The following PLD1 variants were observed in gnomAD, a reference collection of about 807,000 sequenced individuals.
The protein encoded by PLD1 is phospholipase D1.
In PLD1, 112 loss-of-function variants were observed where a neutral mutation model predicts 137.1. The ratio of observed to expected loss-of-function variants is 0.82; its 90% confidence interval spans 0.70 to 0.96. PLD1 has a LOEUF of 0.96. Among genes scored for constraint, PLD1 ranks in the 40% least tolerant of loss-of-function variants. The pLI is 0.00. For missense variants in PLD1, 1,321 were observed against 1,342.0 expected (o/e 0.98, Z 0.24); for synonymous variants, 431 against 454.7 (o/e 0.95, Z 0.66).
At chr3:171,608,383 A>G (rs1170331956) in intron 25 of PLD1, among the ~76,000 whole-genome samples, 1 of 152,220 alleles carries the variant, frequency 6.6e-6, no homozygotes, top group Admixed American at 6.5e-5. Context: ...TTCCAATTTT[A>G]TAAAACTAGT....
intron 9 of PLD1, among the ~76,000 whole-genome samples, chr3:171,710,880 T>G (rs967357031): frequency 1.4e-4 from 20 of 142,190 alleles, no homozygotes; most frequent in Non-Finnish European, 3.0e-5. Flanking sequence ...TTCTTTTTTT[T>G]TTTTTTTTTT....
chr3:171,712,121 G>C (rs149166921), intron 9 of PLD1, among the ~76,000 whole-genome samples: 481 of 152,318 alleles, frequency 3.2e-3, no homozygotes, highest in African/African-American at 0.011. Context: ...TATTTATAAA[G>C]ATTAGCCATG....
In PLD1 at chr3:171,612,336, T is replaced by C. The variant is rs1220377397; in HGVS notation, c.2825A>G (p.Asp942Gly). 4 of 1,614,122 alleles carry C rather than the reference T, an allele frequency of 2.5e-6. No individual in the cohort carries two copies. The highest frequency in any genetic ancestry group is 3.4e-6 in the Non-Finnish European group (4 of 1,179,994). ...CCGGCCAGCTTGGTACTCTTTTCCATCCATTACTGAAGGAACAGTCTCTGT... is the reference window on the plus strand; with the variant it reads ...CCGGCCAGCTTGGTACTCTTTTCCACCCATTACTGAAGGAACAGTCTCTGT... ...QDTETVPSVMDGKEYQAGRFA... is the reference protein window; with the variant it reads ...QDTETVPSVMGGKEYQAGRFA... The change falls in exon 25 of 27, where the codon GAT becomes GGT. Residue 942 changes from aspartate (D) to glycine (G), a missense_variant. Physicochemically the swap from Asp to Gly is moderately conservative, Grantham distance 94. Transcript: ENST00000351298. This position sits in a 1 kb window ranked among gnomAD's most constrained non-coding sequence, Gnocchi z 4.1.
chr3:171,611,038 A>T (rs950846834), intron 25 of PLD1, among the ~76,000 whole-genome samples: 2 of 152,230 alleles, frequency 1.3e-5, no homozygotes, highest in Admixed American at 6.5e-5. Flanking sequence ...CCCATCTGCA[A>T]GTGAGCCAGT....
rs1716023001 is a variant in PLD1, at chr3:171,699,107, A to C, written c.1227+638T>G. Among the ~76,000 whole-genome samples the C allele has an allele frequency of 2.0e-5, 3 of 152,248 alleles. No individual in the cohort carries two copies. The South Asian group carries it at 6.2e-4, about 32-fold the overall frequency. On this transcript the variant is annotated intron_variant, in intron 12 of 26. Transcript: ENST00000351298. ...TAAACTGATTTAATTTTAAGGGCCT[A>C]TTACATTAAAAAAATCACTAGAAAT...
chr3:171,682,152 G>GAAAGAAAGAAA (rs1714059583), intron 16 of PLD1, among the ~76,000 whole-genome samples: 1 of 82,056 alleles, frequency 1.2e-5, no homozygotes, highest in Non-Finnish European at 2.4e-5. Context: ...AAGAAAGAAA[G>GAAAGAAAGAAA]AAAGAAAGAA....
At chr3:171,770,431 G>C (rs1316415) in intron 1 of PLD1, among the ~76,000 whole-genome samples, 65,350 of 152,036 alleles carry the variant, frequency 0.43, 14,376 homozygotes, top group Middle Eastern at 0.65. Context: ...GAAAAACCGT[G>C]CATCAGACAA....
At chr3:171,653,552 A>G (rs1408949349) in intron 21 of PLD1, 1 of 152,212 alleles carries the variant, frequency 6.6e-6, no homozygotes, top group African/African-American at 2.4e-5. Context: ...AGTCGTGAGA[A>G]ACCAAAACAA....
At chr3:171,764,884 AAAGAAAGAAAGGAAGG>A (rs1299967244) in intron 1 of PLD1, among the ~76,000 whole-genome samples, 238 of 19,914 alleles carry the variant, frequency 0.012, 21 homozygotes, top group African/African-American at 0.039. Flanking sequence ...AGAAAGAAAG[AAAGAAAGAAAGGAAGG>A]AAGGAAGGAA....
rs181577751 is a variant in PLD1, at chr3:171,670,275, G to A, written c.2229+4225C>T. Among the ~76,000 whole-genome samples the A allele has an allele frequency of 1.1e-3, 171 of 152,316 alleles. No individual in the cohort carries two copies. In the Middle Eastern group the frequency reaches 0.014, roughly 12 times the overall value. On this transcript the variant is annotated intron_variant, in intron 19 of 26. Coordinates refer to ENST00000351298, the MANE Select transcript of PLD1 (RefSeq NM_002662.5). ...GGTATTTCAAAAGAGCTGGACGAGA[G>A]GACATGAAATGTTCCAAACACATAG...
chr3:171,690,230 T>C lies in PLD1; in HGVS notation c.1339-1354A>G, dbSNP rs545503156. 2.1e-3 allele frequency among the ~76,000 whole-genome samples: 326 copies of C among 152,304 alleles called. 2 individuals carry two copies. The highest frequency in any genetic ancestry group is 7.5e-3 in the African/African-American group (311 of 41,578). On this transcript the variant is annotated intron_variant, in intron 13 of 26. Coordinates refer to ENST00000351298, the MANE Select transcript of PLD1 (RefSeq NM_002662.5). ...GTAATGTCTCTACTTTCATTTCTGA[T>C]TTTAGTAACTTGAGTCTTTTTTTTT...
At position 171,698,096 on chromosome 3, in the gene PLD1, T is replaced by C. The variant is rs73040146; in HGVS notation, c.1227+1649A>G. On this transcript the variant is annotated intron_variant, in intron 12 of 26. Transcript: ENST00000351298. The stretch of plus-strand genomic sequence containing the variant: ...GGAAAATGGAAAAGATGCCATTTCA[T>C]TGAGAGAAACATAGAGAAAGTTACT... 1.6e-3 allele frequency among the ~76,000 whole-genome samples: 238 copies of C among 152,300 alleles called. 1 individual carries two copies. Among genetic ancestry groups the C allele is most frequent in the African/African-American group, 5.0e-3 (206 of 41,568 alleles).
At chr3:171,659,831 C>A (rs1477795620) in intron 20 of PLD1, among the ~76,000 whole-genome samples, 1 of 152,102 alleles carries the variant, frequency 6.6e-6, no homozygotes, top group South Asian at 2.1e-4. Context: ...TATCTCTGAA[C>A]TTCTATTTTA....
chr3:171,755,189 G>C (rs778719418), intron 1 of PLD1, among the ~76,000 whole-genome samples: 4 of 152,010 alleles, frequency 2.6e-5, no homozygotes, highest in Non-Finnish European at 4.4e-5. Context: ...TGGTATTTAT[G>C]GGGCTTTCCA....
At position 171,735,585 on chromosome 3, in the gene PLD1, C is replaced by T; in HGVS notation, c.341G>A (p.Trp114Ter). ...TIELTHGEFK[W>*]QVKRKFKHFQ... is the part of the protein sequence containing the mutation. ...ATGCTTGAATTTCCTCTTAACTTGC[C>T]ATTTAAATTCCCCATGTGTTAATTC... is the stretch of plus-strand genomic sequence containing the variant. Residue 114 changes from tryptophan (W) to a stop codon, truncating the protein, a stop_gained, in exon 4 of 27, where the codon TGG (tryptophan) becomes TAG (stop). Transcript: ENST00000351298. LOFTEE classifies it high-confidence loss of function. 6.4e-7 allele frequency: 1 copy of T among 1,574,000 alleles called. No homozygotes were observed. Among genetic ancestry groups the T allele is most frequent in the Non-Finnish European group, 8.7e-7 (1 of 1,143,556 alleles).
At chr3:171,637,124 CA>C (rs1735193578) in intron 23 of PLD1, among the ~76,000 whole-genome samples, 1 of 152,188 alleles carries the variant, frequency 6.6e-6, no homozygotes, top group African/African-American at 2.4e-5. Context: ...GGAAAAATCC[CA>C]TTTGGTCATG....
At chr3:171,763,523 CGGAGGGGAGGAGAGGGGAGGGGAGGGGAG>C (rs1721582113) in intron 1 of PLD1, among the ~76,000 whole-genome samples, 1 of 5,864 alleles carries the variant, frequency 1.7e-4, no homozygotes, top group Non-Finnish European at 3.0e-4. Context: ...GGGAAGGGAG[CGGAGGGGAGGAGAGGGGAGGGGAGGGGAG>C]GGGAGAGACA....
intron 23 of PLD1, among the ~76,000 whole-genome samples, chr3:171,631,462 T>A (rs1446209326): frequency 6.6e-6 from 1 of 152,194 alleles, no homozygotes; most frequent in Non-Finnish European, 1.5e-5. Flanking sequence ...GGTTTGTGTG[T>A]GTGTACAAAG....
chr3:171,797,921 G>A (rs1226432390), intron 1 of PLD1, among the ~76,000 whole-genome samples: 2 of 151,832 alleles, frequency 1.3e-5, no homozygotes, highest in Non-Finnish European at 2.9e-5. Context: ...TAAGTTTCAC[G>A]ATGGCTGTCC....
Sources: gnomAD v4.1 joint callset for allele counts (sites outside exome capture counted in the v4.1 genomes callset) on GRCh38, gnomAD v4.1.1 for gene constraint, Gnocchi (gnomAD v3.1) non-coding constraint, MANE v1.5 for transcripts, NCBI Gene and HGNC (gene_info 2026-07-23, HGNC 2026-07-21) for gene names.